The following SPRY4 variants were observed in gnomAD, a reference collection of about 807,000 sequenced individuals.
The protein encoded by SPRY4 is sprouty RTK signaling antagonist 4.
A neutral mutation model predicts 17.0 loss-of-function variants in SPRY4; 7 were observed. The ratio of observed to expected loss-of-function variants is 0.41; its 90% CI spans 0.23 to 0.77. The LOEUF (loss-of-function observed/expected upper bound fraction) is 0.77, where lower values mean the gene tolerates loss of function less well. Ranked by LOEUF, SPRY4 falls within the 30% of genes least tolerant of loss-of-function variation. The pLI is 0.32. For synonymous variants in SPRY4, 183 were observed against 174.1 expected (o/e 1.05, Z -0.40); for missense variants, 435 against 419.9 (o/e 1.04, Z -0.31).
At chr5:142,322,483 A>AAAAAAAAAT (rs79291595) in intron 1 of SPRY4, among the ~76,000 whole-genome samples, 3 of 117,526 alleles carry the variant, frequency 2.6e-5, no homozygotes, top group African/African-American at 8.1e-5. Context: ...AAAAAAAAAA[A>AAAAAAAAAT]ATATATATAT....
intron 1 of SPRY4, among the ~76,000 whole-genome samples, chr5:142,322,483 A>AAAATATATAT (rs79291595): frequency 1.5e-4 from 18 of 117,546 alleles, no homozygotes; most frequent in African/African-American, 4.9e-4. Flanking sequence ...AAAAAAAAAA[A>AAAATATATAT]ATATATATAT....
At chr5:142,318,478 T>A (rs901067133) in intron 1 of SPRY4, among the ~76,000 whole-genome samples, 2 of 149,712 alleles carry the variant, frequency 1.3e-5, no homozygotes, top group Non-Finnish European at 3.0e-5. Context: ...AGAGCAAGAC[T>A]GAGTCTCAAG....
At chr5:142,318,119 T>G in intron 1 of SPRY4, 2 of 985,222 alleles carry the variant, frequency 2.0e-6, no homozygotes, top group Non-Finnish European at 2.4e-6. Flanking sequence ...GAAAACAATT[T>G]TCTGAGCTGC....
chr5:142,322,357 G>A (rs974925646), intron 1 of SPRY4, among the ~76,000 whole-genome samples: 1 of 151,900 alleles, frequency 6.6e-6, no homozygotes, highest in African/African-American at 2.4e-5. Flanking sequence ...TGTAATTCCA[G>A]CTACTTGGGA....
rs1447312554 is a variant in SPRY4, at chr5:142,314,663, G to A, written c.446C>T (p.Pro149Leu). ...QPLDLKGPAV[P>L]PELDKHFLLC... Reference sequence around the variant, plus strand: ...CAAGAAGTGCTTGTCCAGCTCGGGTGGGACCGCCGGGCCCTTGAGGTCCAG... The same window carrying A: ...CAAGAAGTGCTTGTCCAGCTCGGGTAGGACCGCCGGGCCCTTGAGGTCCAG... The change falls in exon 2 of 2, where the codon CCA (proline) becomes CTA (leucine). Residue 149 changes from proline (P) to leucine (L), a missense_variant. Physicochemically the swap from Pro to Leu is moderately conservative, Grantham distance 98 (BLOSUM62 -3). Transcript: ENST00000434127. The surrounding 1 kb of genome is among the most constrained non-coding windows in gnomAD (Gnocchi z 4.8). 6.2e-7 allele frequency: 1 copy of A among 1,614,234 alleles called. No homozygotes were observed. The highest frequency in any genetic ancestry group is 8.5e-7 in the Non-Finnish European group (1 of 1,180,040).
chr5:142,324,154 C>G (rs1759450511), intron 1 of SPRY4: 1 of 152,282 alleles, frequency 6.6e-6, no homozygotes, highest in Admixed American at 6.5e-5. Flanking sequence ...AAGAAAAAGT[C>G]AACTGCAAGG....
chr5:142,324,134 G>A (rs1759446809), intron 1 of SPRY4: 1 of 152,320 alleles, frequency 6.6e-6, no homozygotes, highest in South Asian at 2.1e-4. Context: ...AGGCCTTACA[G>A]AGGCCAGGCA....
chr5:142,323,905 C>T (rs1474352954), intron 1 of SPRY4: 1 of 152,320 alleles, frequency 6.6e-6, no homozygotes, highest in Non-Finnish European at 1.5e-5. Flanking sequence ...CTATCCTCTT[C>T]TCTGTGATGT....
Position 142,321,180 on chromosome 5 carries a change from T to C in SPRY4, c.-48+3664A>G, listed in dbSNP as rs528755435. 2.6e-5 allele frequency among the ~76,000 whole-genome samples: 4 copies of C among 151,930 alleles called. No individual in the cohort carries two copies. The South Asian group carries it at 8.4e-4, about 32-fold the overall frequency. On this transcript the variant is annotated intron_variant, in intron 1 of 1. Transcript: ENST00000434127. ...CTTACATCACGCAACACCCCACACC[T>C]CCTGTGCAGGAAAGGGGCACCCTTA...
intron 1 of SPRY4, among the ~76,000 whole-genome samples, chr5:142,319,028 T>C (rs1002755484): frequency 3.9e-5 from 6 of 152,104 alleles, no homozygotes; most frequent in East Asian, 1.9e-4. Context: ...CAAAGGGTCA[T>C]AGAGCTAGCA....
chr5:142,315,108 T>TGG lies in SPRY4; in HGVS notation c.-2_-1dup, dbSNP rs1561649772. On this transcript the variant is annotated 5_prime_UTR_variant, in exon 2 of 2. Coordinates refer to ENST00000434127, the MANE Select transcript of SPRY4 (RefSeq NM_001127496.3). ...GCGCTCTGTGGGATCGGGGGCTCCATGGGGCTGGAGGTCCTGGACTGTACG... is the reference window on the plus strand; with the variant it reads ...GCGCTCTGTGGGATCGGGGGCTCCATGGGGGGCTGGAGGTCCTGGACTGTACG... 6.3e-7 allele frequency: 1 copy of TGG among 1,592,742 alleles called. No individual in the cohort carries two copies. The highest frequency in any genetic ancestry group is 1.1e-5 in the South Asian group (1 of 90,544).
intron 1 of SPRY4, chr5:142,323,808 A>AG (rs1418112414): frequency 6.6e-6 from 1 of 152,508 alleles, no homozygotes; most frequent in Non-Finnish European, 1.5e-5. Context: ...GCCAAGCTCT[A>AG]GCTGCCCTGG....
intron 1 of SPRY4, among the ~76,000 whole-genome samples, chr5:142,316,189 G>T (rs187426430): frequency 6.6e-6 from 1 of 151,932 alleles, no homozygotes; most frequent in African/African-American, 2.4e-5. Context: ...GCCAACCCTG[G>T]ATCAGTTTCT....
chr5:142,319,586 C>T, intron 1 of SPRY4: 1 of 966,110 alleles, frequency 1.0e-6, no homozygotes, highest in Non-Finnish European at 1.5e-6. Context: ...GTCCCTGGCC[C>T]AGGTCTGTGA....
At chr5:142,315,268 A>T in intron 1 of SPRY4, 113 bp from the exon 2 acceptor site, 2 of 656,752 alleles carry the variant, frequency 3.0e-6, no homozygotes. Context: ...TGACATAGGA[A>T]CTAAAATCCC....
intron 1 of SPRY4, 42 bp from the exon 2 acceptor site, chr5:142,315,197 G>A (rs1273891396): frequency 7.4e-7 from 1 of 1,347,766 alleles, no homozygotes; most frequent in African/African-American, 1.4e-5. Context: ...ATGGATTCCA[G>A]GCATCAGTAT....
intron 1 of SPRY4, chr5:142,315,394 T>A: frequency 4.2e-6 from 2 of 470,788 alleles, no homozygotes; most frequent in South Asian, 1.1e-4. Flanking sequence ...AAGCACCATA[T>A]GCATTAAGTC....
At position 142,317,506 on chromosome 5, in the gene SPRY4, C is replaced by G. The variant is rs1217650030; in HGVS notation, c.-47-2351G>C. On this transcript the variant is annotated intron_variant, in intron 1 of 1. Transcript: ENST00000434127. Reference sequence around the variant, plus strand: ...GGTCCTGCCAACACAATGTAGGCAGCAGTTTGAAGCTTCTATTGCCCCATA... The same window carrying G: ...GGTCCTGCCAACACAATGTAGGCAGGAGTTTGAAGCTTCTATTGCCCCATA... 3.0e-6 allele frequency: 3 copies of G among 985,188 alleles called. No homozygotes were observed. The African/African-American group carries it at 5.2e-5, about 17-fold the overall frequency. 61.0% of individuals were successfully genotyped at this position (985,188 alleles called of 1,614,324 possible). A position where few individuals can be genotyped will look rare whatever the true frequency, so the allele number is the denominator to read the frequency against.
At position 142,314,556 on chromosome 5, in the gene SPRY4, C is replaced by G. The variant is rs754300833; in HGVS notation, c.553G>C (p.Glu185Gln). The part of the protein sequence containing the change: ...TLPSCWVCNQ[E>Q]CLCSAQTLVN... ...AGAGTCTGGGCTGAGCACAGGCACT[C>G]CTGGTTGCAGACCCAGCAGGAAGGC... Residue 185 changes from glutamate (E) to glutamine (Q), a missense_variant, in exon 2 of 2, where the codon GAG (glutamate) becomes CAG (glutamine). Glu to Gln is a conservative substitution (Grantham distance 29, BLOSUM62 2). Coordinates refer to ENST00000434127, the MANE Select transcript of SPRY4 (RefSeq NM_001127496.3). This position sits in a 1 kb window ranked among gnomAD's most constrained non-coding sequence, Gnocchi z 4.8. 1.2e-6 allele frequency: 2 copies of G among 1,614,244 alleles called. No individual in the cohort carries two copies. The highest frequency in any genetic ancestry group is 1.7e-6 in the Non-Finnish European group (2 of 1,180,046).
Sources: allele counts gnomAD v4.1 joint callset (sites outside exome capture counted in the v4.1 genomes callset), GRCh38; gene constraint gnomAD v4.1.1; non-coding constraint Gnocchi (gnomAD v3.1); transcripts MANE v1.5; gene names NCBI Gene and HGNC (gene_info 2026-07-23, HGNC 2026-07-21).